Variants in ATP12A observed in about 807,000 individuals in gnomAD.
The protein encoded by ATP12A is ATPase H+/K+ transporting non-gastric alpha2 subunit.
Under a neutral mutation model 111.2 loss-of-function variants are expected in ATP12A, and 81 were observed. The observed-to-expected ratio is 0.73, with a 90% confidence interval of 0.61 to 0.88. The LOEUF (loss-of-function observed/expected upper bound fraction) is 0.88. ATP12A is among the 40% of genes least tolerant of loss of function. The pLI, the probability that ATP12A is intolerant of heterozygous loss-of-function variation, is 0.00. For missense variants in ATP12A, 1,196 were observed against 1,313.1 expected (o/e 0.91, Z 1.38); for synonymous variants, 498 against 499.8 (o/e 1.00, Z 0.05).
At chr13:24,692,357 G>T in intron 8 of ATP12A, 72 bp from the exon 9 acceptor site, 1 of 1,467,732 alleles carries the variant, frequency 6.8e-7, no homozygotes. Context: ...AGCTCACATT[G>T]GCTATTTCTG....
intron 5 of ATP12A, 52 bp downstream of exon 5, chr13:24,689,427 G>A: frequency 6.7e-7 from 1 of 1,500,982 alleles, no homozygotes. Flanking sequence ...AGGTGAGGAA[G>A]CCTCAGCTGG....
Position 24,688,510 on chromosome 13 carries a change from A to C in ATP12A, c.420A>C (p.Ala140=), listed in dbSNP as rs773913245. Residue 140 remains alanine, a synonymous_variant, in exon 4 of 23, where the codon GCA becomes GCC. Transcript: ENST00000381946. ...TTCAGTACTCCAGCGACAAGTCTGC[A>C]TCCCTGAACAACGTAAGGCTCTGGG... ...YGIQYSSDKS[A]SLNNVYLGCV... 1 of 1,595,904 alleles carries C rather than the reference A, an allele frequency of 6.3e-7. No homozygotes were observed. Among genetic ancestry groups the C allele is most frequent in the Admixed American group, 1.7e-5 (1 of 58,826 alleles).
At chr13:24,711,218 T>C in intron 21 of ATP12A, 100 bp from the exon 22 acceptor site, 1 of 1,160,842 alleles carries the variant, frequency 8.6e-7, no homozygotes, top group Non-Finnish European at 1.2e-6. Flanking sequence ...TTCTTTGCAG[T>C]AAAGCAAGAC....
At chr13:24,687,388 C>T (rs1313537708) in intron 3 of ATP12A, among the ~76,000 whole-genome samples, 3 of 152,078 alleles carry the variant, frequency 2.0e-5, no homozygotes, top group African/African-American at 7.2e-5. Flanking sequence ...CGCTTGAACC[C>T]AGGAGGAGGA....
chr13:24,692,636 T>C lies in ATP12A; in HGVS notation c.1267+9T>C, dbSNP rs1301437539. On this transcript the variant is annotated intron_variant, in intron 9 of 22. Coordinates refer to ENST00000381946, the MANE Select transcript of ATP12A (RefSeq NM_001676.7). The stretch of plus-strand genomic sequence containing the variant: ...CAGTGAGGACCATTCAAGTAAGTCT[T>C]ATGGAGAGCTCGGTCTGGCCAAAGC... The C allele has an allele frequency of 6.2e-7, 1 of 1,609,638 alleles. No homozygotes were observed. The highest frequency in any genetic ancestry group is 1.1e-5 in the South Asian group (1 of 90,850).
chr13:24,694,749 C>T (rs1875063907), intron 11 of ATP12A, among the ~76,000 whole-genome samples, 171 bp downstream of exon 11: 1 of 152,138 alleles, frequency 6.6e-6, no homozygotes, highest in Admixed American at 6.5e-5. Flanking sequence ...TTGCTGGCCT[C>T]CTTCCTAACC....
At chr13:24,709,323 A>G (rs1465663207) in intron 17 of ATP12A, 41 bp from the exon 18 acceptor site, 1 of 1,379,530 alleles carries the variant, frequency 7.2e-7, no homozygotes, top group Admixed American at 1.9e-5. Flanking sequence ...GGTAGAGCAG[A>G]ACATCCTGGG....
At chr13:24,699,250 G>A (rs1308429116) in intron 12 of ATP12A, among the ~76,000 whole-genome samples, 1 of 152,192 alleles carries the variant, frequency 6.6e-6, no homozygotes, top group Non-Finnish European at 1.5e-5. Context: ...GGCTGGACTG[G>A]AGGTCATGAG....
chr13:24,703,644 C>A (rs1347693383), intron 14 of ATP12A: 1 of 152,166 alleles, frequency 6.6e-6, no homozygotes, highest in East Asian at 1.9e-4. Context: ...TGAGCTAATT[C>A]ACTACTACCT....
At chr13:24,704,658 TC>T in intron 14 of ATP12A, 1 of 203,796 alleles carries the variant, frequency 4.9e-6, no homozygotes, top group Non-Finnish European at 1.0e-5. Flanking sequence ...TGTAGCAGAC[TC>T]CAGAATGTGC....
At chr13:24,710,643 GGAT>G (rs769025348) in intron 20 of ATP12A, 50 bp downstream of exon 20, 1 of 1,611,932 alleles carries the variant, frequency 6.2e-7, no homozygotes, top group Non-Finnish European at 8.5e-7. Context: ...TGCCGTGCAA[GGAT>G]GATGATGATT....
intron 2 of ATP12A, among the ~76,000 whole-genome samples, chr13:24,682,257 G>A (rs111912223): frequency 7.3e-5 from 10 of 137,342 alleles, no homozygotes; most frequent in East Asian, 4.5e-4. Flanking sequence ...TGTGTGTAGC[G>A]TGTGGTGTGT....
At chr13:24,689,757 G>A (rs1021850974) in intron 5 of ATP12A, among the ~76,000 whole-genome samples, 1 of 152,112 alleles carries the variant, frequency 6.6e-6, no homozygotes, top group Non-Finnish European at 1.5e-5. Flanking sequence ...CATTTGGTGG[G>A]GAAGCCCAGT....
In ATP12A at chr13:24,687,683, A is replaced by G. The variant is rs554773373; in HGVS notation, c.229-636A>G. ...GCTTGGGTAGGATTTATGCCTGTCAAGATGAATGAGAACTTAGGCTGGATG... is the reference window on the plus strand; with the variant it reads ...GCTTGGGTAGGATTTATGCCTGTCAGGATGAATGAGAACTTAGGCTGGATG... On this transcript the variant is annotated intron_variant, in intron 3 of 22. Coordinates refer to ENST00000381946, the MANE Select transcript of ATP12A (RefSeq NM_001676.7). Among the ~76,000 whole-genome samples the G allele has an allele frequency of 2.0e-5, 3 of 152,352 alleles. No homozygotes were observed. In the East Asian group the frequency reaches 5.8e-4, roughly 29 times the overall value.
chr13:24,686,704 C>A (rs548993079), intron 3 of ATP12A, among the ~76,000 whole-genome samples: 176 of 150,240 alleles, frequency 1.2e-3, no homozygotes, highest in Admixed American at 1.8e-3. Flanking sequence ...GCGCCACTGC[C>A]CTCCAGCCTG....
chr13:24,680,801 G>A, intron 1 of ATP12A, 49 bp downstream of exon 1: 7 of 1,466,302 alleles, frequency 4.8e-6, no homozygotes, highest in Non-Finnish European at 6.3e-6. Flanking sequence ...CTGGGCCAAG[G>A]CCCCGGGGAC....
rs905801673 is a variant in ATP12A at position 24,696,697 on chromosome 13, C to T, written c.1513-1961C>T. Reference sequence around the variant, plus strand: ...ACTGCAGTCCGCAGTCCGGCCTGGGCGACAGAGCGAGACTCCGTCTCAAAA... The same window carrying T: ...ACTGCAGTCCGCAGTCCGGCCTGGGTGACAGAGCGAGACTCCGTCTCAAAA... On this transcript the variant is annotated intron_variant, in intron 11 of 22. Transcript: ENST00000381946. Among the ~76,000 whole-genome samples, 4 of 55,602 alleles carry T rather than the reference C, an allele frequency of 7.2e-5. 1 individual carries two copies. The highest frequency in any genetic ancestry group is 1.3e-4 in the African/African-American group (2 of 15,174). 36.5% of individuals were successfully genotyped at this position (55,602 alleles called of 152,430 possible).
chr13:24,706,566 C>A (rs1875653471), intron 15 of ATP12A, 103 bp downstream of exon 15: 1 of 1,465,564 alleles, frequency 6.8e-7, no homozygotes, highest in Non-Finnish European at 9.1e-7. Flanking sequence ...TTTGAAACTT[C>A]AAGAGAGAGT....
rs139044429 is a variant in ATP12A at position 24,685,709 on chromosome 13, C to G, written c.228+336C>G. Among the ~76,000 whole-genome samples the G allele has an allele frequency of 6.6e-6, 1 of 152,176 alleles. No homozygotes were observed. Among genetic ancestry groups the G allele is most frequent in the Non-Finnish European group, 1.5e-5 (1 of 68,032 alleles). ...CTGGGATGGCTACAAGAAGTAGAAACGCTATGCTGGGACAAAGGTGGATTC... is the reference window on the plus strand; with the variant it reads ...CTGGGATGGCTACAAGAAGTAGAAAGGCTATGCTGGGACAAAGGTGGATTC... On this transcript the variant is annotated intron_variant, in intron 3 of 22. Transcript: ENST00000381946. The surrounding 1 kb of genome is among the most constrained non-coding windows in gnomAD (Gnocchi z 5.5).
Sources: allele counts gnomAD v4.1 joint callset (sites outside exome capture counted in the v4.1 genomes callset), GRCh38; gene constraint gnomAD v4.1.1; non-coding constraint Gnocchi (gnomAD v3.1); transcripts MANE v1.5; gene names NCBI Gene and HGNC (gene_info 2026-07-23, HGNC 2026-07-21).